CLIC5: variants seen among roughly 807,000 people sequenced by gnomAD.
The protein encoded by CLIC5 is CLIC family member 5.
CLIC5 carries 20 observed loss-of-function variants against 24.7 expected under a neutral mutation model. That is an observed-to-expected ratio of 0.81 (90% CI 0.57 to 1.18). CLIC5 has a LOEUF of 1.18. Ranked by LOEUF, CLIC5 falls within the 50% of genes most tolerant of loss-of-function variation. The pLI, the probability that CLIC5 is intolerant of heterozygous loss-of-function variation, is 0.00. For missense variants in CLIC5, 341 were observed against 326.1 expected (o/e 1.05, Z -0.35); for synonymous variants, 159 against 135.6 (o/e 1.17, Z -1.20).
chr6:45,939,393 T>G (rs1764052645), intron 4 of CLIC5, among the ~76,000 whole-genome samples: 1 of 151,924 alleles, frequency 6.6e-6, no homozygotes, highest in Admixed American at 6.6e-5. Flanking sequence ...TTTGTATTTT[T>G]AGTGGAGACG....
intron 1 of CLIC5, among the ~76,000 whole-genome samples, chr6:46,032,981 ATTTTTTTTTTT>A (rs35845581): frequency 2.5e-5 from 2 of 79,008 alleles, no homozygotes; most frequent in African/African-American, 4.8e-5. Context: ...GGAAATCTAC[ATTTTTTTTTTT>A]TTTTTTTTTT....
At chr6:45,889,583 A>C (rs1320715512) in intron 6 of CLIC5, among the ~76,000 whole-genome samples, 1 of 152,212 alleles carries the variant, frequency 6.6e-6, no homozygotes, top group Admixed American at 6.5e-5. Flanking sequence ...AATCTGGAAA[A>C]AGTACAAGAA....
In CLIC5 at chr6:45,898,845, T is replaced by C. The variant is rs1303214569; in HGVS notation, c.*4243A>G. Reference sequence around the variant, plus strand: ...TGTATAGTCAATATTGTGAAATCTCTAACTCTACATAAAATACTTCAGATG... The same window carrying C: ...TGTATAGTCAATATTGTGAAATCTCCAACTCTACATAAAATACTTCAGATG... On this transcript the variant is annotated 3_prime_UTR_variant, in exon 6 of 6. Transcript: ENST00000339561. 1 of 152,468 alleles carries C rather than the reference T, an allele frequency of 6.6e-6. No homozygotes were observed. Among genetic ancestry groups the C allele is most frequent in the Non-Finnish European group, 1.5e-5 (1 of 68,042 alleles). The allele number at this position is 152,468 out of a possible 1,614,324, so 9.4% of individuals were successfully genotyped here. A position where few individuals can be genotyped will look rare whatever the true frequency, so the allele number is the denominator to read the frequency against.
intron 1 of CLIC5, among the ~76,000 whole-genome samples, chr6:46,050,805 C>A (rs1044188895): frequency 1.3e-5 from 2 of 151,610 alleles, no homozygotes; most frequent in African/African-American, 4.8e-5. Context: ...CAAGAAACTA[C>A]CCTTGAGATT....
the CLIC5 span, among the ~76,000 whole-genome samples, chr6:46,101,197 G>C: frequency 1.3e-5 from 2 of 152,174 alleles, no homozygotes; most frequent in African/African-American, 4.8e-5. Context: ...CTGCTGCTTA[G>C]AATGTTTCTA....
chr6:45,974,964 T>TA (rs1765337818), intron 1 of CLIC5, among the ~76,000 whole-genome samples: 1 of 152,168 alleles, frequency 6.6e-6, no homozygotes, highest in East Asian at 1.9e-4. Context: ...TGAAAGAACT[T>TA]ACAGTTTTCA....
chr6:46,057,485 C>T (rs142402941), intron 1 of CLIC5, among the ~76,000 whole-genome samples: 7 of 152,278 alleles, frequency 4.6e-5, no homozygotes, highest in East Asian at 1.9e-4. Flanking sequence ...TTATCAGCAG[C>T]GTGAAAATAG....
At chr6:45,980,643 T>G (rs1423157645) in intron 1 of CLIC5, among the ~76,000 whole-genome samples, 2 of 151,840 alleles carry the variant, frequency 1.3e-5, no homozygotes, top group Non-Finnish European at 2.9e-5. Flanking sequence ...GGGAAAATGC[T>G]AGTGATAAAA....
chr6:45,978,956 A>G (rs929099163), intron 1 of CLIC5, among the ~76,000 whole-genome samples: 14 of 151,996 alleles, frequency 9.2e-5, no homozygotes, highest in African/African-American at 3.1e-4. Context: ...ATTAAAAAAA[A>G]AAAAAACAGA....
At chr6:45,892,598 T>C (rs565823603) in intron 6 of CLIC5, among the ~76,000 whole-genome samples, 1 of 152,332 alleles carries the variant, frequency 6.6e-6, no homozygotes, top group African/African-American at 2.4e-5. Context: ...GGAGCTTATT[T>C]CCATGATGCA....
At chr6:46,031,042 G>C (rs535050339) in intron 1 of CLIC5, among the ~76,000 whole-genome samples, 4 of 152,324 alleles carry the variant, frequency 2.6e-5, no homozygotes, top group Non-Finnish European at 2.9e-5. Context: ...ACCTAGCACA[G>C]ATGCAGGCAC....
rs137947875 is a variant in CLIC5 at position 45,997,932 on chromosome 6, C to T, written c.63+17548G>A. Among the ~76,000 whole-genome samples, 39 of 152,342 alleles carry T rather than the reference C, an allele frequency of 2.6e-4. 1 individual carries two copies. Among genetic ancestry groups the T allele is most frequent in the African/African-American group, 9.1e-4 (38 of 41,586 alleles). On this transcript the variant is annotated intron_variant, in intron 1 of 5. Transcript: ENST00000339561. Reference sequence around the variant, plus strand: ...ACCCAGCAGGCCCAGGAATGTGGTTCCATCTGTTTCATGGTTGAAAAATTC... The same window carrying T: ...ACCCAGCAGGCCCAGGAATGTGGTTTCATCTGTTTCATGGTTGAAAAATTC...
the CLIC5 span, among the ~76,000 whole-genome samples, chr6:46,093,897 G>T: frequency 6.6e-6 from 1 of 152,196 alleles, no homozygotes; most frequent in Non-Finnish European, 1.5e-5. Flanking sequence ...CTGACACCAG[G>T]TAATTTAGAA....
chr6:45,895,546 G>T (rs1762386471), downstream of CLIC5, among the ~76,000 whole-genome samples: 1 of 152,142 alleles, frequency 6.6e-6, no homozygotes, highest in Non-Finnish European at 1.5e-5. Flanking sequence ...GTGGGTGTCA[G>T]GGACTAGAAG....
At chr6:45,927,993 G>A (rs1763567873) in intron 4 of CLIC5, among the ~76,000 whole-genome samples, 1 of 152,158 alleles carries the variant, frequency 6.6e-6, no homozygotes, top group South Asian at 2.1e-4. Flanking sequence ...AAGAAGTGCT[G>A]CTTTATGCTT....
At chr6:45,975,739 A>C (rs1406709919) in intron 1 of CLIC5, among the ~76,000 whole-genome samples, 1 of 152,232 alleles carries the variant, frequency 6.6e-6, no homozygotes, top group Admixed American at 6.5e-5. Context: ...ACTGCTGTAC[A>C]ACTTGAGCCA....
chr6:45,913,690 G>A (rs1363037410), intron 5 of CLIC5: 5 of 832,750 alleles, frequency 6.0e-6, no homozygotes, highest in Non-Finnish European at 8.0e-6. Context: ...CAAATGGTTA[G>A]TAAGTGCAAT....
chr6:46,067,361 TC>T (rs1424011623), intron 1 of CLIC5, among the ~76,000 whole-genome samples: 1 of 151,968 alleles, frequency 6.6e-6, no homozygotes, highest in Non-Finnish European at 1.5e-5. Context: ...TAACACTATC[TC>T]CCCCTTGATA....
chr6:45,904,175 T>C (rs1382489123), intron 5 of CLIC5, among the ~76,000 whole-genome samples: 1 of 152,180 alleles, frequency 6.6e-6, no homozygotes, highest in African/African-American at 2.4e-5. Flanking sequence ...CTTTCTGAGC[T>C]CCAATTTCTT....
Sources: allele counts gnomAD v4.1 joint callset (sites outside exome capture counted in the v4.1 genomes callset), GRCh38; gene constraint gnomAD v4.1.1; transcripts MANE v1.5; gene names NCBI Gene and HGNC (gene_info 2026-07-23, HGNC 2026-07-21).